TMEM232: variants seen among roughly 807,000 people sequenced by gnomAD.
TMEM232 encodes the protein transmembrane protein 232.
TMEM232 carries 80 observed loss-of-function variants against 78.8 expected under a neutral mutation model. The observed-to-expected ratio is 1.01, with a 90% CI of 0.85 to 1.22. The LOEUF is 1.22. Ranked by LOEUF, TMEM232 falls within the 50% of genes most tolerant of loss-of-function variation. TMEM232 has a pLI of 0.00. For synonymous variants in TMEM232, 297 were observed against 254.3 expected (o/e 1.17, Z -1.60); for missense variants, 881 against 742.2 (o/e 1.19, Z -2.17).
upstream of TMEM232, among the ~76,000 whole-genome samples, chr5:110,727,156 C>G (rs1338137425): frequency 6.6e-6 from 1 of 152,150 alleles, no homozygotes; most frequent in African/African-American, 2.4e-5. Context: ...CACAAAAGAA[C>G]GCCTCTTTTT....
intron 1 of TMEM232, among the ~76,000 whole-genome samples, chr5:110,678,362 G>C (rs1792301160): frequency 6.6e-6 from 1 of 152,112 alleles, no homozygotes. Context: ...ACCATGCCTA[G>C]CCTGACTTTA....
chr5:110,417,618 C>CTTTTTTTTTTTTTTT (rs1181888424), downstream of TMEM232: 16 of 119,284 alleles, frequency 1.3e-4, no homozygotes, highest in South Asian at 5.3e-4. Flanking sequence ...TTTTCTTTTT[C>CTTTTTTTTTTTTTTT]TTTTTTTTTT....
At chr5:110,727,374 G>A (rs2150366647), upstream of TMEM232, among the ~76,000 whole-genome samples, 1 of 152,312 alleles carries the variant, frequency 6.6e-6, no homozygotes, top group East Asian at 1.9e-4. Context: ...CACTTTGGGA[G>A]GCCAAGGTGG....
chr5:110,440,814 C>A (rs1330733149), intron 12 of TMEM232, among the ~76,000 whole-genome samples: 1 of 152,092 alleles, frequency 6.6e-6, no homozygotes, highest in African/African-American at 2.4e-5. Context: ...GATTTTCAGG[C>A]GTGTATAGTT....
rs368115233 is a variant in TMEM232, at chr5:110,591,608, T to C, written c.1276+13501A>G. On this transcript the variant is annotated intron_variant, in intron 10 of 13. Transcript: ENST00000455884. The stretch of plus-strand genomic sequence containing the variant: ...TATGCCAAGCGTCTGTATGTTTCCA[T>C]AGTTTTTTCTCACCCAAAGTCCTAT... Among the ~76,000 whole-genome samples the C allele has an allele frequency of 2.0e-5, 3 of 152,314 alleles. No homozygotes were observed. In the South Asian group the frequency reaches 6.2e-4, roughly 32 times the overall value.
At chr5:110,608,480 A>G (rs1435755543) in intron 8 of TMEM232, among the ~76,000 whole-genome samples, 1 of 151,856 alleles carries the variant, frequency 6.6e-6, no homozygotes, top group Admixed American at 6.6e-5. Flanking sequence ...ATACTCATAG[A>G]GTTCGTAAAA....
At chr5:110,392,816 G>T (rs1157282397) in intron 3 of TMEM232, among the ~76,000 whole-genome samples, 1 of 152,072 alleles carries the variant, frequency 6.6e-6, no homozygotes, top group Non-Finnish European at 1.5e-5. Flanking sequence ...ACCTTTCAAT[G>T]ACCTAACATG....
At chr5:110,723,730 A>G (rs1797883618) in intron 1 of TMEM232, among the ~76,000 whole-genome samples, 1 of 152,188 alleles carries the variant, frequency 6.6e-6, no homozygotes, top group Admixed American at 6.5e-5. Flanking sequence ...TGGAGCAGCA[A>G]AGTCTCTGGC....
chr5:110,459,709 T>C (rs968871932), intron 12 of TMEM232, among the ~76,000 whole-genome samples: 6 of 152,156 alleles, frequency 3.9e-5, no homozygotes, highest in Non-Finnish European at 7.4e-5. Context: ...ACAAATTAGT[T>C]AATTACTAAG....
intron 12 of TMEM232, among the ~76,000 whole-genome samples, chr5:110,427,760 GTGTCTC>G (rs1284867944): frequency 2.0e-5 from 3 of 151,870 alleles, no homozygotes; most frequent in African/African-American, 4.8e-5. Context: ...ACTCCTGTCT[GTGTCTC>G]TGTCTCCACG....
Position 110,669,441 on chromosome 5 carries a change from A to T in TMEM232, c.-12-2077T>A, listed in dbSNP as rs185659933. 1.9e-3 allele frequency among the ~76,000 whole-genome samples: 285 copies of T among 152,318 alleles called. 4 individuals are homozygous for T. The highest frequency in any genetic ancestry group is 6.6e-3 in the African/African-American group (274 of 41,574). The stretch of plus-strand genomic sequence containing the variant: ...CAAGACTAAACCAGGAAGAAGCTGA[A>T]TCCCTGAATAGACCAATAACAGGCT... On this transcript the variant is annotated intron_variant, in intron 1 of 13. Transcript: ENST00000455884.
intron 10 of TMEM232, among the ~76,000 whole-genome samples, chr5:110,588,252 A>G (rs963434685): frequency 6.6e-6 from 1 of 152,184 alleles, no homozygotes; most frequent in African/African-American, 2.4e-5. Context: ...ACCGGCTTAG[A>G]AAATCATTCT....
Position 110,489,541 on chromosome 5 carries a change from A to C in TMEM232, c.1703+39047T>G, listed in dbSNP as rs142797942. ...AAACAGTATATGTGAAAAAGCCAAA[A>C]GATAACATCACACGTAATGGTGAAA... On this transcript the variant is annotated intron_variant, in intron 12 of 13. Transcript: ENST00000455884. Among the ~76,000 whole-genome samples, 976 of 152,232 alleles carry C rather than the reference A, an allele frequency of 6.4e-3. 18 individuals are homozygous for C. Among genetic ancestry groups the C allele is most frequent in the African/African-American group, 0.022 (904 of 41,562 alleles).
rs187747768 is a variant in TMEM232 at position 110,424,913 on chromosome 5, T to G, written c.1707A>C (p.Glu569Asp). 1 of 1,549,272 alleles carries G rather than the reference T, an allele frequency of 6.5e-7. No individual in the cohort carries two copies. The highest frequency in any genetic ancestry group is 2.0e-5 in the Admixed American group (1 of 50,798). Residue 569 changes from glutamate to aspartate, a missense_variant, in exon 13 of 14, where the codon GAA (glutamate) becomes GAC (aspartate). Transcript: ENST00000455884. ...KKQVLHFTVR[E>D]HPSVSEIPMF... ...TGGGAATTTCTGATACAGAAGGATGTTCCCTTCAAAAGAGCACAAGAACAA... is the reference window on the plus strand; with the variant it reads ...TGGGAATTTCTGATACAGAAGGATGGTCCCTTCAAAAGAGCACAAGAACAA...
intron 10 of TMEM232, among the ~76,000 whole-genome samples, chr5:110,596,104 A>G (rs1780129161): frequency 6.6e-6 from 1 of 152,190 alleles, no homozygotes. Flanking sequence ...AAGCCAGAAG[A>G]GAGTTGGGGC....
At chr5:110,683,266 G>C (rs1792975589) in intron 1 of TMEM232, among the ~76,000 whole-genome samples, 1 of 151,742 alleles carries the variant, frequency 6.6e-6, no homozygotes, top group Admixed American at 6.6e-5. Flanking sequence ...AAATAAATGG[G>C]GATTTATTAA....
intron 8 of TMEM232, among the ~76,000 whole-genome samples, chr5:110,609,428 T>G (rs1781911187): frequency 6.6e-6 from 1 of 152,092 alleles, no homozygotes; most frequent in Non-Finnish European, 1.5e-5. Context: ...TTACCCTATT[T>G]TGCATAGAAT....
intron 1 of TMEM232, among the ~76,000 whole-genome samples, chr5:110,702,102 T>C (rs760589725): frequency 3.3e-5 from 5 of 152,050 alleles, no homozygotes; most frequent in East Asian, 1.9e-4. Flanking sequence ...GTTATATACA[T>C]TGTTGAAAGA....
chr5:110,465,752 A>G (rs10477456), intron 12 of TMEM232, among the ~76,000 whole-genome samples: 6,961 of 152,262 alleles, frequency 0.046, 516 homozygotes, highest in African/African-American at 0.16. Flanking sequence ...CTAATGGCCA[A>G]TAATAGAGAA....
Sources: gnomAD v4.1 joint callset for allele counts (sites outside exome capture counted in the v4.1 genomes callset) on GRCh38, gnomAD v4.1.1 for gene constraint, MANE v1.5 for transcripts, NCBI Gene and HGNC (gene_info 2026-07-23, HGNC 2026-07-21) for gene names.